SERGEF: variants seen among roughly 807,000 people sequenced by gnomAD.
SERGEF encodes secretion regulating guanine nucleotide exchange factor.
In SERGEF, 51 loss-of-function variants were observed where a neutral mutation model predicts 50.0. The ratio of observed to expected loss-of-function variants is 1.02; its 90% confidence interval spans 0.81 to 1.29. The LOEUF (loss-of-function observed/expected upper bound fraction) is 1.29. Among genes scored for constraint, SERGEF ranks in the 50% most tolerant of loss-of-function variants. The pLI is 0.00. For synonymous variants in SERGEF, 205 were observed against 212.4 expected (o/e 0.97, Z 0.30); for missense variants, 521 against 557.0 (o/e 0.94, Z 0.65).
chr11:17,864,671 C>T lies in SERGEF; in HGVS notation c.1048+13537G>A, dbSNP rs188691392. Among the ~76,000 whole-genome samples the T allele has an allele frequency of 1.4e-3, 217 of 152,274 alleles. 2 individuals carry two copies. The highest frequency in any genetic ancestry group is 1.4e-3 in the Non-Finnish European group (92 of 68,034). On this transcript the variant is annotated intron_variant, in intron 10 of 10. Transcript: ENST00000265965. Reference sequence around the variant, plus strand: ...GGGCTGAGAAAGGCAAGATCTGGGACAGAGCACTGGTAACCAAGAGAGCTA... The same window carrying T: ...GGGCTGAGAAAGGCAAGATCTGGGATAGAGCACTGGTAACCAAGAGAGCTA...
At chr11:17,958,701 C>T (rs1852927482) in intron 9 of SERGEF, among the ~76,000 whole-genome samples, 1 of 152,164 alleles carries the variant, frequency 6.6e-6, no homozygotes, top group Admixed American at 6.5e-5. Context: ...AACTGAACCA[C>T]CAAGTAGTCC....
chr11:17,972,904 C>T (rs1168995680), intron 8 of SERGEF, among the ~76,000 whole-genome samples: 1 of 152,064 alleles, frequency 6.6e-6, no homozygotes, highest in East Asian at 1.9e-4. Flanking sequence ...CCAGATCCTC[C>T]TCTCCCTATC....
intron 10 of SERGEF, among the ~76,000 whole-genome samples, chr11:17,822,143 T>G (rs947217752): frequency 4.6e-5 from 7 of 152,194 alleles, no homozygotes; most frequent in African/African-American, 1.7e-4. Flanking sequence ...TGGCTCAGGC[T>G]GGGCCTCTGG....
chr11:17,866,636 C>A (rs1243203657), intron 10 of SERGEF, among the ~76,000 whole-genome samples: 5 of 152,174 alleles, frequency 3.3e-5, no homozygotes, highest in Admixed American at 1.3e-4. Flanking sequence ...TCCCAAGTAA[C>A]TGGGATTACA....
At chr11:17,862,018 A>G (rs1361980865) in intron 10 of SERGEF, among the ~76,000 whole-genome samples, 1 of 152,208 alleles carries the variant, frequency 6.6e-6, no homozygotes, top group Non-Finnish European at 1.5e-5. Context: ...TTTACCCCAC[A>G]GGATGAAGTT....
chr11:17,983,302 A>C (rs1853528204), intron 8 of SERGEF, among the ~76,000 whole-genome samples: 2 of 152,152 alleles, frequency 1.3e-5, no homozygotes, highest in South Asian at 4.1e-4. Flanking sequence ...TGTAACCAGC[A>C]TTTGTAAGCA....
At chr11:17,988,201 C>T (rs1853639153) in intron 8 of SERGEF, among the ~76,000 whole-genome samples, 1 of 152,160 alleles carries the variant, frequency 6.6e-6, no homozygotes. Context: ...AATGTTCCTA[C>T]CTCAATCTTT....
At chr11:17,860,884 G>A (rs867885841) in intron 10 of SERGEF, among the ~76,000 whole-genome samples, 5 of 152,154 alleles carry the variant, frequency 3.3e-5, no homozygotes, top group African/African-American at 2.4e-5. Flanking sequence ...AGTTGAGTCC[G>A]GCACTTGGCA....
chr11:17,921,402 T>A (rs1852153336), intron 9 of SERGEF, among the ~76,000 whole-genome samples: 1 of 152,228 alleles, frequency 6.6e-6, no homozygotes, highest in South Asian at 2.1e-4. Context: ...TAAATGAGAC[T>A]GCCCATGTAA....
At chr11:17,937,557 A>G (rs1357309200) in intron 9 of SERGEF, among the ~76,000 whole-genome samples, 17 of 152,080 alleles carry the variant, frequency 1.1e-4, no homozygotes, top group Admixed American at 3.3e-4. Flanking sequence ...ATAATAATAA[A>G]TAAAATAAAA....
intron 6 of SERGEF, 89 bp from the exon 7 acceptor site, chr11:17,993,082 T>C (rs368028415): frequency 9.6e-7 from 1 of 1,045,150 alleles, no homozygotes; most frequent in East Asian, 2.5e-5. Flanking sequence ...CACCTGGGCG[T>C]GGGAGAGACT....
chr11:17,842,039 A>G (rs1048529603), intron 10 of SERGEF, among the ~76,000 whole-genome samples: 2 of 151,982 alleles, frequency 1.3e-5, no homozygotes, highest in Non-Finnish European at 2.9e-5. Flanking sequence ...CTTTCGTAGC[A>G]TTTATCCTAG....
intron 10 of SERGEF, among the ~76,000 whole-genome samples, chr11:17,831,209 T>C (rs988764868): frequency 1.3e-5 from 2 of 152,202 alleles, no homozygotes; most frequent in Non-Finnish European, 2.9e-5. Context: ...CAGGATGAGA[T>C]AGAGCCCAGA....
intron 10 of SERGEF, among the ~76,000 whole-genome samples, chr11:17,830,519 A>G (rs771277752): frequency 2.0e-4 from 31 of 151,392 alleles, no homozygotes; most frequent in Non-Finnish European, 3.7e-4. Context: ...GTAACATGGT[A>G]GATGGCAAGA....
chr11:17,815,814 C>T (rs1293537431), intron 10 of SERGEF, among the ~76,000 whole-genome samples: 1 of 151,870 alleles, frequency 6.6e-6, no homozygotes, highest in African/African-American at 2.4e-5. Context: ...CTCAGCTACT[C>T]GGGAGGCTGA....
chr11:17,904,770 AG>A (rs1851807944), intron 9 of SERGEF, among the ~76,000 whole-genome samples: 2 of 152,348 alleles, frequency 1.3e-5, no homozygotes, highest in African/African-American at 4.8e-5. Flanking sequence ...GAAATTATTT[AG>A]AGGCATTTAA....
intron 10 of SERGEF, among the ~76,000 whole-genome samples, chr11:17,825,146 A>G (rs1233517090): frequency 6.6e-6 from 1 of 152,216 alleles, no homozygotes; most frequent in African/African-American, 2.4e-5. Context: ...CTGAGCATCT[A>G]CTATACGCCA....
intron 9 of SERGEF, among the ~76,000 whole-genome samples, chr11:17,952,222 T>C (rs570211627): frequency 2.6e-5 from 4 of 152,248 alleles, no homozygotes; most frequent in Non-Finnish European, 5.9e-5. Flanking sequence ...GGCAGCAAGT[T>C]TGACTTTTAT....
At chr11:17,894,163 C>T (rs1851582259) in intron 9 of SERGEF, among the ~76,000 whole-genome samples, 1 of 152,134 alleles carries the variant, frequency 6.6e-6, no homozygotes, top group Non-Finnish European at 1.5e-5. Flanking sequence ...CAAGTACTTG[C>T]ACTCCTACCT....
Sources: allele counts gnomAD v4.1 joint callset (sites outside exome capture counted in the v4.1 genomes callset), GRCh38; gene constraint gnomAD v4.1.1; transcripts MANE v1.5; gene names NCBI Gene and HGNC (gene_info 2026-07-23, HGNC 2026-07-21).